NAA60: variants seen among roughly 807,000 people sequenced by gnomAD.
The protein encoded by NAA60 is N-alpha-acetyltransferase 60.
Under a neutral mutation model 26.1 loss-of-function variants are expected in NAA60, and 8 were observed. The ratio of observed to expected loss-of-function variants is 0.31; its 90% confidence interval spans 0.18 to 0.55. NAA60 has a LOEUF of 0.55. NAA60 is among the 20% of genes least tolerant of loss of function. The probability of loss-of-function intolerance (pLI) is 0.93; values close to 1 mark genes in which losing one functional copy is unlikely to be tolerated. For synonymous variants in NAA60, 131 were observed against 122.5 expected, an observed-to-expected ratio of 1.07 and a Z score of -0.46; for missense variants, 290 against 311.3, an observed-to-expected ratio of 0.93 and a Z score of 0.51.
chr16:3,473,587 A>T (rs932220284), intron 2 of NAA60, among the ~76,000 whole-genome samples: 1 of 152,176 alleles, frequency 6.6e-6, no homozygotes, highest in Admixed American at 6.5e-5. Context: ...AAACCATATC[A>T]TAGTGTTTCA....
chr16:3,450,155 C>G (rs1350469802), intron 2 of NAA60: 1 of 369,328 alleles, frequency 2.7e-6, no homozygotes, highest in Non-Finnish European at 4.8e-6. Context: ...ATAAACCCTT[C>G]AGAACCATGA....
At position 3,463,533 on chromosome 16, in the gene NAA60, C is replaced by CA. The variant is rs201094667; in HGVS notation, c.-6-12688dup. Among the ~76,000 whole-genome samples the CA allele has an allele frequency of 4.3e-3, 578 of 133,998 alleles. 6 individuals are homozygous for CA. The highest frequency in any genetic ancestry group is 0.016 in the African/African-American group (552 of 35,384). The allele number at this position is 133,998 out of a possible 152,430, so 87.9% of individuals were successfully genotyped here. A position where few individuals can be genotyped will look rare whatever the true frequency, so the allele number is the denominator to read the frequency against. On this transcript the variant is annotated intron_variant, in intron 2 of 7. Coordinates refer to ENST00000407558, the MANE Select transcript of NAA60 (RefSeq NM_001083601.3). ...TGCCACTGCACTCCAGCCTGAGTGA[C>CA]AGAGTGAGACCCTGTGTTAAAAAAA...
intron 1 of NAA60, among the ~76,000 whole-genome samples, chr16:3,445,275 TC>T (rs761902217): frequency 0.13 from 15,520 of 118,704 alleles, 1,529 homozygotes; most frequent in African/African-American, 0.26. Context: ...TGTGCTTATC[TC>T]TTTTTTTTTT....
intron 2 of NAA60, among the ~76,000 whole-genome samples, chr16:3,464,719 G>C (rs535009669): frequency 3.8e-4 from 58 of 152,192 alleles, no homozygotes; most frequent in Non-Finnish European, 7.5e-4. Context: ...TTTACAGGTA[G>C]TTTTGTTGTT....
Position 3,485,855 on chromosome 16 carries a change from C to T in NAA60, c.*595C>T, listed in dbSNP as rs1289330371. On this transcript the variant is annotated 3_prime_UTR_variant, in exon 8 of 8. Coordinates refer to ENST00000407558, the MANE Select transcript of NAA60 (RefSeq NM_001083601.3). Reference sequence around the variant, plus strand: ...TGGGCAGCCTGGGGGAGGCTTTCCTCGCAAGCACAGAGCTCTGAGGCTCAG... The same window carrying T: ...TGGGCAGCCTGGGGGAGGCTTTCCTTGCAAGCACAGAGCTCTGAGGCTCAG... The T allele has an allele frequency of 3.3e-5, 12 of 361,042 alleles. No homozygotes were observed. Among genetic ancestry groups the T allele is most frequent in the African/African-American group, 1.1e-4 (5 of 46,904 alleles). The allele number at this position is 361,042 out of a possible 1,614,324, so 22.4% of individuals were successfully genotyped here.
chr16:3,462,368 G>A (rs1174377489), intron 2 of NAA60, among the ~76,000 whole-genome samples: 1 of 152,144 alleles, frequency 6.6e-6, no homozygotes, highest in Non-Finnish European at 1.5e-5. Flanking sequence ...TTCCTTTGGT[G>A]TTCATGGGTG....
At chr16:3,466,339 C>CTTGT (rs1381956317) in intron 2 of NAA60, among the ~76,000 whole-genome samples, 1 of 152,180 alleles carries the variant, frequency 6.6e-6, no homozygotes, top group East Asian at 1.9e-4. Flanking sequence ...CTTCTTGTCA[C>CTTGT]CCGGCAAATG....
At chr16:3,456,512 C>T (rs1374731683) in intron 2 of NAA60, among the ~76,000 whole-genome samples, 1 of 152,122 alleles carries the variant, frequency 6.6e-6, no homozygotes, top group East Asian at 1.9e-4. Flanking sequence ...GAATAATGCG[C>T]TTCACCAGTT....
At chr16:3,465,939 C>A (rs983400715) in intron 2 of NAA60, among the ~76,000 whole-genome samples, 7 of 152,128 alleles carry the variant, frequency 4.6e-5, no homozygotes, top group Admixed American at 3.3e-4. Context: ...AAATGTAAGG[C>A]GTGACAGAAC....
In NAA60 at chr16:3,448,529, G is replaced by A. The variant is rs1370132075; in HGVS notation, c.-18G>A. The A allele has an allele frequency of 1.3e-6, 2 of 1,535,516 alleles. No homozygotes were observed. Among genetic ancestry groups the A allele is most frequent in the African/African-American group, 2.7e-5 (2 of 73,042 alleles). On this transcript the variant is annotated 5_prime_UTR_variant, in exon 2 of 8. Coordinates refer to ENST00000407558, the MANE Select transcript of NAA60 (RefSeq NM_001083601.3). ...GCGGAGCCAGCCTGAGTTGGGAGAA[G>A]AGCTCCAGAGAGTGAGTCAAAGCGC...
intron 2 of NAA60, among the ~76,000 whole-genome samples, chr16:3,463,746 C>T (rs2035565375): frequency 6.6e-6 from 1 of 151,724 alleles, no homozygotes; most frequent in Non-Finnish European, 1.5e-5. Flanking sequence ...TGGCTTGTGC[C>T]TGTAATCCTA....
intron 2 of NAA60, among the ~76,000 whole-genome samples, chr16:3,459,298 C>T (rs2035219134): frequency 6.6e-6 from 1 of 152,164 alleles, no homozygotes; most frequent in East Asian, 1.9e-4. Context: ...GTCCATGTAG[C>T]ACTGTGATGT....
At chr16:3,471,426 C>T (rs923798180) in intron 2 of NAA60, among the ~76,000 whole-genome samples, 6 of 152,074 alleles carry the variant, frequency 3.9e-5, no homozygotes, top group Non-Finnish European at 8.8e-5. Flanking sequence ...TGGCGTGAAC[C>T]CGGGAGGCGG....
At chr16:3,452,451 T>A (rs1156391271) in intron 2 of NAA60, among the ~76,000 whole-genome samples, 1 of 151,930 alleles carries the variant, frequency 6.6e-6, no homozygotes, top group Non-Finnish European at 1.5e-5. Flanking sequence ...GCTCAGGCAT[T>A]CAAGACCAGC....
At chr16:3,459,216 C>G (rs1403368012) in intron 2 of NAA60, among the ~76,000 whole-genome samples, 1 of 152,140 alleles carries the variant, frequency 6.6e-6, no homozygotes. Flanking sequence ...GGCATAAAAC[C>G]CTTAGTTAAT....
intron 3 of NAA60, among the ~76,000 whole-genome samples, chr16:3,476,930 A>T (rs1240029812): frequency 1.3e-5 from 2 of 152,092 alleles, no homozygotes; most frequent in Admixed American, 6.6e-5. Flanking sequence ...AATCCTAGCT[A>T]CTTGGGAGAC....
chr16:3,457,887 C>T (rs956705024), intron 2 of NAA60: 29 of 791,748 alleles, frequency 3.7e-5, no homozygotes, highest in Non-Finnish European at 9.2e-6. Flanking sequence ...GGATCCTGGG[C>T]CTGGCTTCGC....
intron 2 of NAA60, among the ~76,000 whole-genome samples, chr16:3,450,425 G>A (rs1429060174): frequency 6.6e-6 from 1 of 152,202 alleles, no homozygotes; most frequent in Non-Finnish European, 1.5e-5. Flanking sequence ...CTCCTGCTGG[G>A]CGCAGTGGCT....
chr16:3,455,879 G>A (rs558462635), intron 2 of NAA60, among the ~76,000 whole-genome samples: 7 of 151,858 alleles, frequency 4.6e-5, no homozygotes, highest in Admixed American at 1.3e-4. Flanking sequence ...GCTAATTTTT[G>A]TATTTTTAGT....
Sources: gnomAD v4.1 joint callset for allele counts (sites outside exome capture counted in the v4.1 genomes callset) on GRCh38, gnomAD v4.1.1 for gene constraint, MANE v1.5 for transcripts, NCBI Gene and HGNC (gene_info 2026-07-23, HGNC 2026-07-21) for gene names.